Variants in TNKS observed in about 807,000 individuals in gnomAD.
The protein encoded by TNKS is tankyrase.
TNKS carries 72 observed loss-of-function variants against 135.8 expected under a neutral mutation model. The observed-to-expected ratio is 0.53, with a 90% CI of 0.44 to 0.64. TNKS has a LOEUF of 0.64. Among genes scored for constraint, TNKS ranks in the 30% least tolerant of loss-of-function variants. The probability of loss-of-function intolerance (pLI) is 0.00; values close to 1 mark genes in which losing one functional copy is unlikely to be tolerated. For missense variants in TNKS, 1,769 were observed against 1,674.0 expected (o/e 1.06, Z -0.99); for synonymous variants, 849 against 649.3 (o/e 1.31, Z -4.68).
chr8:9,668,978 A>C (rs112730373), intron 3 of TNKS, among the ~76,000 whole-genome samples: 1 of 152,200 alleles, frequency 6.6e-6, no homozygotes, highest in Non-Finnish European at 1.5e-5. Flanking sequence ...ATTATTGAAT[A>C]GGAGAATAAA....
intron 5 of TNKS, among the ~76,000 whole-genome samples, chr8:9,688,251 A>C (rs984156709): frequency 6.6e-6 from 1 of 152,234 alleles, no homozygotes; most frequent in African/African-American, 2.4e-5. Context: ...ACAAAAAGTT[A>C]TTTAAGTAAA....
At position 9,776,991 on chromosome 8, in the gene TNKS, T is replaced by C. The variant is rs952334670; in HGVS notation, c.*255T>C. ...CTCAGGCTCATTTTCATTGCAATTA[T>C]CCATTTCTAAAACAAGATTGCTTCG... On this transcript the variant is annotated 3_prime_UTR_variant, in exon 27 of 27. Transcript: ENST00000310430. The C allele has an allele frequency of 4.4e-6, 2 of 449,920 alleles. No individual in the cohort carries two copies. The highest frequency in any genetic ancestry group is 3.9e-5 in the African/African-American group (2 of 51,360). The allele number at this position is 449,920 out of a possible 1,614,324, so 27.9% of individuals were successfully genotyped here.
intron 3 of TNKS, chr8:9,671,238 C>A (rs1022961107): frequency 5.9e-5 from 9 of 152,080 alleles, no homozygotes; most frequent in Non-Finnish European, 1.2e-4. Context: ...CCCAGCAACC[C>A]CACTGCTAGA....
chr8:9,765,657 C>T, intron 23 of TNKS, 35 bp from the exon 24 acceptor site: 1 of 1,539,012 alleles, frequency 6.5e-7, no homozygotes, highest in Non-Finnish European at 9.0e-7. Flanking sequence ...ATGCACGTTT[C>T]ACCGATAATG....
intron 25 of TNKS, 99 bp from the exon 26 acceptor site, chr8:9,770,007 G>GC: frequency 9.6e-7 from 1 of 1,036,312 alleles, no homozygotes; most frequent in Non-Finnish European, 1.3e-6. Context: ...AAATTAGCTT[G>GC]CCTTATGTTA....
intron 6 of TNKS, 28 bp downstream of exon 6, chr8:9,704,785 G>A (rs746324453): frequency 1.3e-6 from 2 of 1,581,548 alleles, no homozygotes; most frequent in African/African-American, 1.4e-5. Flanking sequence ...CTTCCTGTCA[G>A]TGCTTTGTTT....
At position 9,748,013 on chromosome 8, in the gene TNKS, T is replaced by C; in HGVS notation, c.2644-11T>C. 6.3e-7 allele frequency: 1 copy of C among 1,592,754 alleles called. No individual in the cohort carries two copies. The highest frequency in any genetic ancestry group is 8.6e-7 in the Non-Finnish European group (1 of 1,168,312). On this transcript the variant is annotated splice_polypyrimidine_tract_variant and intron_variant, in intron 17 of 26. Transcript: ENST00000310430. Reference sequence around the variant, plus strand: ...ATTCTTAACTCTTTGTATCCTTTTCTTTTTTTTCAGCATGTTGACATAGCG... The same window carrying C: ...ATTCTTAACTCTTTGTATCCTTTTCCTTTTTTTCAGCATGTTGACATAGCG...
chr8:9,722,477 A>G (rs1395912797), intron 12 of TNKS: 1 of 151,716 alleles, frequency 6.6e-6, no homozygotes, highest in Non-Finnish European at 1.5e-5. Context: ...AAATCTATCT[A>G]GCATGTCTTC....
Position 9,735,050 on chromosome 8 carries a change from C to T in TNKS, c.2499C>T (p.Thr833=). The T allele has an allele frequency of 6.2e-7, 1 of 1,614,094 alleles. No individual in the cohort carries two copies. Among genetic ancestry groups the T allele is most frequent in the Non-Finnish European group, 8.5e-7 (1 of 1,180,020 alleles). The change falls in exon 16 of 27, where the codon ACC becomes ACT. Residue 833 remains threonine (T), a synonymous_variant. Transcript: ENST00000310430. ...CTPENINCRD[T]QGRNSTPLHL... Reference sequence around the variant, plus strand: ...CAGAGAATATCAACTGCAGAGACACCCAGGGCAGAAATTCAACCCCTCTGC... The same window carrying T: ...CAGAGAATATCAACTGCAGAGACACTCAGGGCAGAAATTCAACCCCTCTGC...
At chr8:9,624,654 T>C (rs60051555) in intron 3 of TNKS, among the ~76,000 whole-genome samples, 13,144 of 152,226 alleles carry the variant, frequency 0.086, 606 homozygotes, top group South Asian at 0.18. Context: ...TAACTAGTTT[T>C]TTTAATTAGG....
At chr8:9,575,377 GATA>G in intron 1 of TNKS, 2 of 985,218 alleles carry the variant, frequency 2.0e-6, no homozygotes, top group Non-Finnish European at 2.4e-6. Flanking sequence ...GCGCCCGGCG[GATA>G]ATTTTTTAAG....
At chr8:9,623,765 G>A (rs1799953956) in intron 3 of TNKS, among the ~76,000 whole-genome samples, 1 of 152,138 alleles carries the variant, frequency 6.6e-6, no homozygotes, top group African/African-American at 2.4e-5. Context: ...ACTTTGGGAG[G>A]CCAAGGCAGG....
chr8:9,684,536 G>A (rs917732323), intron 5 of TNKS, among the ~76,000 whole-genome samples: 13 of 151,820 alleles, frequency 8.6e-5, no homozygotes, highest in Admixed American at 7.9e-4. Flanking sequence ...ATCTTAATAG[G>A]CAATAGGTAG....
Position 9,652,520 on chromosome 8 carries a change from C to A in TNKS, c.995-27431C>A, listed in dbSNP as rs565640099. Among the ~76,000 whole-genome samples the A allele has an allele frequency of 1.1e-4, 16 of 152,132 alleles. 2 individuals are homozygous for A. The highest frequency in any genetic ancestry group is 3.9e-4 in the African/African-American group (16 of 41,508). On this transcript the variant is annotated intron_variant, in intron 3 of 26. Transcript: ENST00000310430. ...ATTTAGGATAGTAAGATAAAAAATACCTCTCCTTTTTGTTTAAATAAAATA... is the reference window on the plus strand; with the variant it reads ...ATTTAGGATAGTAAGATAAAAAATAACTCTCCTTTTTGTTTAAATAAAATA...
At chr8:9,744,739 G>T (rs138893725) in intron 17 of TNKS, among the ~76,000 whole-genome samples, 1 of 152,118 alleles carries the variant, frequency 6.6e-6, no homozygotes, top group East Asian at 1.9e-4. Context: ...TGCCTCAATG[G>T]TGTAGCTATT....
chr8:9,753,043 C>A lies in TNKS; in HGVS notation c.3153+417C>A, dbSNP rs112466993. Among the ~76,000 whole-genome samples, 19 of 151,752 alleles carry A rather than the reference C, an allele frequency of 1.3e-4. 1 individual carries two copies. Among genetic ancestry groups the A allele is most frequent in the African/African-American group, 4.6e-4 (19 of 41,372 alleles). On this transcript the variant is annotated intron_variant, in intron 20 of 26. Coordinates refer to ENST00000310430, the MANE Select transcript of TNKS (RefSeq NM_003747.3). ...TTGCTTCTTACGAGCTATTCTTAAACCCACAACACATTTCTATAAGAAGCC... is the reference window on the plus strand; with the variant it reads ...TTGCTTCTTACGAGCTATTCTTAAAACCACAACACATTTCTATAAGAAGCC...
At chr8:9,709,719 A>G (rs114295425) in intron 9 of TNKS, among the ~76,000 whole-genome samples, 1,931 of 152,366 alleles carry the variant, frequency 0.013, 35 homozygotes, top group African/African-American at 0.042. Context: ...GCCAAAAGAA[A>G]TAAGATCTCT....
intron 18 of TNKS, among the ~76,000 whole-genome samples, chr8:9,751,019 C>T (rs1321285182): frequency 6.6e-6 from 1 of 152,144 alleles, no homozygotes; most frequent in Non-Finnish European, 1.5e-5. Context: ...ACTTCTTCTC[C>T]ATTCTATTGG....
At chr8:9,614,626 A>C (rs535001185) in intron 2 of TNKS, among the ~76,000 whole-genome samples, 1 of 152,326 alleles carries the variant, frequency 6.6e-6, no homozygotes, top group East Asian at 1.9e-4. Context: ...GTCATGAATG[A>C]ATGAAAATTT....
Sources: gnomAD v4.1 joint callset for allele counts (sites outside exome capture counted in the v4.1 genomes callset) on GRCh38, gnomAD v4.1.1 for gene constraint, MANE v1.5 for transcripts, NCBI Gene and HGNC (gene_info 2026-07-23, HGNC 2026-07-21) for gene names.